The following SESTD1 variants were observed in gnomAD, a reference collection of about 807,000 sequenced individuals.
SESTD1 encodes SEC14 domain and spectrin repeat-containing protein 1.
Under a neutral mutation model 101.7 loss-of-function variants are expected in SESTD1, and 43 were observed. The observed-to-expected ratio is 0.42, with a 90% CI of 0.33 to 0.55. The LOEUF (loss-of-function observed/expected upper bound fraction) is 0.55, where lower values mean the gene tolerates loss of function less well. Ranked by LOEUF, SESTD1 falls within the 20% of genes least tolerant of loss-of-function variation. The probability of loss-of-function intolerance (pLI) is 0.07; values close to 1 mark genes in which losing one functional copy is unlikely to be tolerated. For synonymous variants in SESTD1, 283 were observed against 286.8 expected (o/e 0.99, Z 0.13); for missense variants, 647 against 815.1 (o/e 0.79, Z 2.51).
rs1477494030 is a variant in SESTD1 at position 179,215,529 on chromosome 2, C to G, written c.-25-23663G>C. On this transcript the variant is annotated intron_variant, in intron 1 of 17. Coordinates refer to ENST00000428443, the MANE Select transcript of SESTD1 (RefSeq NM_178123.5). ...TACCAACCAAAAAAAAGTCCAGGAC[C>G]AGACGATTCACAGCCGAATTCTAAC... Among the ~76,000 whole-genome samples, 2 of 133,570 alleles carry G rather than the reference C, an allele frequency of 1.5e-5. 1 individual carries two copies. The highest frequency in any genetic ancestry group is 3.2e-5 in the Non-Finnish European group (2 of 62,396). 87.6% of individuals were successfully genotyped at this position (133,570 alleles called of 152,430 possible).
chr2:179,143,065 C>T (rs1247924712), intron 9 of SESTD1, among the ~76,000 whole-genome samples: 1 of 111,394 alleles, frequency 9.0e-6, no homozygotes, highest in Non-Finnish European at 1.8e-5. Context: ...ACAGAAATGT[C>T]TCCCTTTAGT....
chr2:179,197,120 T>C (rs2046411414), intron 1 of SESTD1, among the ~76,000 whole-genome samples: 1 of 151,902 alleles, frequency 6.6e-6, no homozygotes, highest in Non-Finnish European at 1.5e-5. Context: ...TTAAAGGAGC[T>C]GATGGAGCTG....
chr2:179,155,932 T>C (rs982632024), intron 5 of SESTD1, among the ~76,000 whole-genome samples: 1 of 152,086 alleles, frequency 6.6e-6, no homozygotes, highest in African/African-American at 2.4e-5. Flanking sequence ...ATTTTATCAT[T>C]CTTATGCCTT....
At chr2:179,184,258 T>C (rs1190459751) in intron 2 of SESTD1, among the ~76,000 whole-genome samples, 2 of 152,150 alleles carry the variant, frequency 1.3e-5, no homozygotes, top group Admixed American at 6.6e-5. Context: ...CAAACTGACA[T>C]TTGAGGTAAT....
chr2:179,123,515 G>C (rs767153564), intron 12 of SESTD1, among the ~76,000 whole-genome samples, 200 bp downstream of exon 12: 11 of 152,100 alleles, frequency 7.2e-5, no homozygotes, highest in Admixed American at 2.0e-4. Flanking sequence ...GAAGGGAGGA[G>C]TGACTAACTA....
At chr2:179,203,149 G>C (rs2105511012) in intron 1 of SESTD1, among the ~76,000 whole-genome samples, 1 of 134,684 alleles carries the variant, frequency 7.4e-6, no homozygotes, top group Admixed American at 7.2e-5. Context: ...CAGGCACAAT[G>C]ACCTTTTTCC....
At chr2:179,183,221 A>T in intron 2 of SESTD1, 33 bp from the exon 3 acceptor site, 17 of 1,343,862 alleles carry the variant, frequency 1.3e-5, no homozygotes, top group Non-Finnish European at 1.8e-5. Flanking sequence ...TTAACATGTA[A>T]TACATATTAA....
intron 9 of SESTD1, among the ~76,000 whole-genome samples, chr2:179,139,367 C>G (rs1309714066): frequency 1.3e-5 from 2 of 152,094 alleles, no homozygotes; most frequent in Admixed American, 1.3e-4. Flanking sequence ...CAGAGCACCT[C>G]TGGACTCATC....
intron 1 of SESTD1, among the ~76,000 whole-genome samples, chr2:179,251,412 C>T (rs558266421): frequency 1.3e-5 from 2 of 152,270 alleles, no homozygotes; most frequent in African/African-American, 4.8e-5. Flanking sequence ...TAACAATGGT[C>T]ACATAGGGGT....
At chr2:179,145,158 T>C (rs894653809) in intron 8 of SESTD1, among the ~76,000 whole-genome samples, 5 of 152,234 alleles carry the variant, frequency 3.3e-5, no homozygotes, top group Non-Finnish European at 5.9e-5. Context: ...TCTTTTTATA[T>C]ATATTCATAA....
intron 1 of SESTD1, among the ~76,000 whole-genome samples, chr2:179,200,092 T>C (rs1448027060): frequency 2.0e-5 from 3 of 152,138 alleles, no homozygotes; most frequent in Non-Finnish European, 4.4e-5. Context: ...CGATACAAAA[T>C]GAATGTACAA....
At chr2:179,154,837 A>T (rs1386031658) in intron 5 of SESTD1, among the ~76,000 whole-genome samples, 1 of 152,214 alleles carries the variant, frequency 6.6e-6, no homozygotes, top group Non-Finnish European at 1.5e-5. Context: ...TGTTCTTTTC[A>T]AGCAAGTATG....
At chr2:179,124,242 C>T in intron 11 of SESTD1, 122 bp downstream of exon 11, 1 of 874,530 alleles carries the variant, frequency 1.1e-6, no homozygotes. Context: ...TTACCCCCAC[C>T]AGTAATTCAT....
intron 1 of SESTD1, among the ~76,000 whole-genome samples, chr2:179,197,846 T>G (rs1261587661): frequency 6.6e-6 from 1 of 152,070 alleles, no homozygotes; most frequent in Non-Finnish European, 1.5e-5. Context: ...TACCAGCCAC[T>G]GCAAAATCAT....
chr2:179,134,506 A>G (rs1364503113), intron 9 of SESTD1, among the ~76,000 whole-genome samples: 2 of 152,212 alleles, frequency 1.3e-5, no homozygotes, highest in Non-Finnish European at 2.9e-5. Context: ...TGCTATCAAT[A>G]CTTCAATTCT....
rs996983688 is a variant in SESTD1, at chr2:179,241,915, T to C, written c.-26+22584A>G. 6.2e-5 allele frequency among the ~76,000 whole-genome samples: 9 copies of C among 145,210 alleles called. No individual in the cohort carries two copies. The South Asian group carries it at 1.3e-3, about 21-fold the overall frequency. On this transcript the variant is annotated intron_variant, in intron 1 of 17. Transcript: ENST00000428443. ...CCAGCCTGGGTGAAAGAGCGAGACA[T>C]TGTCTCATAAAAAAAAAAAAAAAAA...
intron 5 of SESTD1, among the ~76,000 whole-genome samples, chr2:179,168,299 C>A (rs1007749352): frequency 6.6e-5 from 10 of 152,036 alleles, no homozygotes. Context: ...CATTTTTTCT[C>A]TAGCTTATTT....
At position 179,211,823 on chromosome 2, in the gene SESTD1, G is replaced by A. The variant is rs1000737180; in HGVS notation, c.-25-19957C>T. On this transcript the variant is annotated intron_variant, in intron 1 of 17. Coordinates refer to ENST00000428443, the MANE Select transcript of SESTD1 (RefSeq NM_178123.5). ...GCTAAGATATGAGGATACGAAGGCA[G>A]GAGAATGATATAATGGACTCTGGGG... is the stretch of plus-strand genomic sequence containing the variant. Among the ~76,000 whole-genome samples, 2 of 132,096 alleles carry A rather than the reference G, an allele frequency of 1.5e-5. 1 individual carries two copies. Among genetic ancestry groups the A allele is most frequent in the African/African-American group, 6.1e-5 (2 of 32,960 alleles). The allele number at this position is 132,096 out of a possible 152,430, so 86.7% of individuals were successfully genotyped here.
intron 5 of SESTD1, among the ~76,000 whole-genome samples, chr2:179,165,287 G>C (rs1450666294): frequency 6.6e-6 from 1 of 152,142 alleles, no homozygotes; most frequent in East Asian, 1.9e-4. Flanking sequence ...AACAATCTAT[G>C]ACACCACATC....
Sources: allele counts gnomAD v4.1 joint callset (sites outside exome capture counted in the v4.1 genomes callset), GRCh38; gene constraint gnomAD v4.1.1; transcripts MANE v1.5; gene names NCBI Gene and HGNC (gene_info 2026-07-23, HGNC 2026-07-21).